Variants in OSBPL5 observed in about 807,000 individuals in gnomAD.
OSBPL5 encodes oxysterol-binding protein-related protein 5.
OSBPL5 carries 71 observed loss-of-function variants against 111.2 expected under a neutral mutation model. That is an observed-to-expected ratio of 0.64 (90% confidence interval 0.53 to 0.78). The LOEUF is 0.78. Ranked by LOEUF, OSBPL5 falls within the 30% of genes least tolerant of loss-of-function variation. OSBPL5 has a pLI of 0.00. For missense variants in OSBPL5, 1,210 were observed against 1,189.3 expected (o/e 1.02, Z -0.26); for synonymous variants, 549 against 513.9 (o/e 1.07, Z -0.93).
intron 1 of OSBPL5, among the ~76,000 whole-genome samples, chr11:3,157,503 G>A (rs1342449616): frequency 6.6e-6 from 1 of 152,210 alleles, no homozygotes; most frequent in African/African-American, 2.4e-5. Context: ...TGCAGGCCTG[G>A]GAAGGGCCTG....
intron 14 of OSBPL5, among the ~76,000 whole-genome samples, chr11:3,095,636 G>A (rs777309356): frequency 6.6e-6 from 1 of 152,282 alleles, no homozygotes; most frequent in Admixed American, 6.5e-5. Context: ...CAAATAATAC[G>A]TGGCAATAAT....
intron 14 of OSBPL5, 41 bp from the exon 15 acceptor site, chr11:3,094,375 C>G: frequency 6.4e-7 from 1 of 1,555,426 alleles, no homozygotes; most frequent in Non-Finnish European, 8.8e-7. Flanking sequence ...GGCCCCAGCC[C>G]TGCTGAGCCC....
rs1451118261 is a variant in OSBPL5, at chr11:3,120,564, G to A, written c.463C>T (p.Leu155Phe). 6.2e-7 allele frequency: 1 copy of A among 1,613,328 alleles called. No individual in the cohort carries two copies. Among genetic ancestry groups the A allele is most frequent in the Non-Finnish European group, 8.5e-7 (1 of 1,180,036 alleles). Residue 155 changes from leucine (L) to phenylalanine (F), a missense_variant, in exon 6 of 22, where the codon CTC becomes TTC. Physicochemically the swap from Leu to Phe is conservative, Grantham distance 22 (BLOSUM62 0). Coordinates refer to ENST00000263650, the MANE Select transcript of OSBPL5 (RefSeq NM_020896.4). The part of the protein sequence containing the change: ...LWCVLKPGVL[L>F]IYKTPKVGQW... ...CCCACCTTGGGCGTCTTGTAGATGA[G>A]CAGCACCCCCGGCTTCAGCACGCAC...
chr11:3,133,989 G>T (rs971340947), intron 1 of OSBPL5, among the ~76,000 whole-genome samples: 21 of 152,164 alleles, frequency 1.4e-4, no homozygotes, highest in Admixed American at 9.2e-4. Context: ...TGGTGGGGGG[G>T]GGGTCACTAG....
intron 14 of OSBPL5, among the ~76,000 whole-genome samples, chr11:3,096,995 A>AAGAGGAAAGGGGGAAGACGGGAGGAGG (rs1857283655): frequency 4.8e-4 from 1 of 2,090 alleles, no homozygotes; most frequent in Non-Finnish European, 9.7e-4. Context: ...GGAGGAGGAG[A>AAGAGGAAAGGGGGAAGACGGGAGGAGG]AGAGGAAAGA....
chr11:3,111,496 C>A (rs1857928393), intron 7 of OSBPL5, among the ~76,000 whole-genome samples: 1 of 152,176 alleles, frequency 6.6e-6, no homozygotes, highest in Non-Finnish European at 1.5e-5. Flanking sequence ...ACCATTAGAG[C>A]ACTCAGTGAT....
At position 3,129,090 on chromosome 11, in the gene OSBPL5, G is replaced by T. The variant is rs149631640; in HGVS notation, c.59C>A (p.Pro20His). Residue 20 changes from proline to histidine, a missense_variant, in exon 2 of 22, where the codon CCT (proline) becomes CAT (histidine). Physicochemically the swap from Pro to His is moderately conservative, Grantham distance 77. Coordinates refer to ENST00000263650, the MANE Select transcript of OSBPL5 (RefSeq NM_020896.4). ...GAGCTTCCGGGGGTCGACTTTCTGA[G>T]GGGTGGAGGAAGGTGGACACAGGGA... ...RFSLCPPSST[P>H]QKVDPRKLTR... 80 of 1,560,558 alleles carry T rather than the reference G, an allele frequency of 5.1e-5. No individual in the cohort carries two copies. In the African/African-American group the frequency reaches 6.0e-4, roughly 12 times the overall value.
At position 3,154,847 on chromosome 11, in the gene OSBPL5, A is replaced by G. The variant is rs994999569; in HGVS notation, c.-22+10369T>C. Reference sequence around the variant, plus strand: ...GAGTTAATGGGTGCGGCACACCAACATGGCACATGTATACATATGTAACAA... The same window carrying G: ...GAGTTAATGGGTGCGGCACACCAACGTGGCACATGTATACATATGTAACAA... On this transcript the variant is annotated intron_variant, in intron 1 of 21. Transcript: ENST00000263650. The surrounding 1 kb of genome is among the most constrained non-coding windows in gnomAD (Gnocchi z 4.9). Among the ~76,000 whole-genome samples, 3 of 152,158 alleles carry G rather than the reference A, an allele frequency of 2.0e-5. No individual in the cohort carries two copies. Among genetic ancestry groups the G allele is most frequent in the Admixed American group, 6.5e-5 (1 of 15,286 alleles).
intron 21 of OSBPL5, 134 bp from the exon 22 acceptor site, chr11:3,088,477 A>AG: frequency 9.5e-7 from 1 of 1,048,916 alleles, no homozygotes; most frequent in Non-Finnish European, 1.3e-6. Flanking sequence ...ATGGCCCTCC[A>AG]GGGGCAACAG....
intron 6 of OSBPL5, 97 bp from the exon 7 acceptor site, chr11:3,119,728 A>AC (rs1858336660): frequency 8.3e-7 from 1 of 1,201,430 alleles, no homozygotes; most frequent in African/African-American, 1.6e-5. Context: ...ACCTGGGACC[A>AC]CCTGGACACC....
At position 3,093,526 on chromosome 11, in the gene OSBPL5, C is replaced by T; in HGVS notation, c.1946+1G>A. 1 of 1,607,926 alleles carries T rather than the reference C, an allele frequency of 6.2e-7. No homozygotes were observed. The highest frequency in any genetic ancestry group is 8.5e-7 in the Non-Finnish European group (1 of 1,179,642). On this transcript the variant is annotated splice_donor_variant, in intron 17 of 21. Transcript: ENST00000263650. LOFTEE classifies it high-confidence loss of function. ...GGTCCCTGGGCGCTGACAGGCCTCA[C>T]CTCTCGGACTCCAGCTCCGTCTGCT...
chr11:3,133,177 A>G (rs1034052176), intron 1 of OSBPL5, among the ~76,000 whole-genome samples: 13 of 152,238 alleles, frequency 8.5e-5, no homozygotes, highest in African/African-American at 3.1e-4. Context: ...TGGCATCTGC[A>G]GGGTGTGAGC....
In OSBPL5 at chr11:3,120,466, G is replaced by A; in HGVS notation, c.561C>T (p.Cys187=). The stretch of plus-strand genomic sequence containing the variant: ...GATCCAGCGGGTGGAAGAGCTTGAA[G>A]CAGAAGCCGTCCTTCTTGGAGGGCC... ...IERPSKKDGF[C]FKLFHPLDQS... is the part of the protein sequence containing the mutation. Residue 187 remains cysteine (C), a synonymous_variant, in exon 6 of 22, where the codon TGC becomes TGT. Transcript: ENST00000263650. 1 of 1,613,340 alleles carries A rather than the reference G, an allele frequency of 6.2e-7. No homozygotes were observed. Among genetic ancestry groups the A allele is most frequent in the Non-Finnish European group, 8.5e-7 (1 of 1,180,040 alleles).
In OSBPL5 at chr11:3,100,041, A is replaced by G. The variant is rs1857399239; in HGVS notation, c.1621+117T>C. On this transcript the variant is annotated intron_variant, in intron 14 of 21. Coordinates refer to ENST00000263650, the MANE Select transcript of OSBPL5 (RefSeq NM_020896.4). Reference sequence around the variant, plus strand: ...CTCAAAAAAAAAAAAAAAAAAAGTCATGGGCAGATGAAGGCGAAGTAAAGA... The same window carrying G: ...CTCAAAAAAAAAAAAAAAAAAAGTCGTGGGCAGATGAAGGCGAAGTAAAGA... The G allele has an allele frequency of 1.1e-5, 8 of 744,516 alleles. No individual in the cohort carries two copies. In the South Asian group the frequency reaches 1.1e-4, roughly 10 times the overall value. The allele number at this position is 744,516 out of a possible 1,614,324, so 46.1% of individuals were successfully genotyped here.
chr11:3,089,279 A>G (rs1027759529), intron 21 of OSBPL5, among the ~76,000 whole-genome samples: 27 of 152,216 alleles, frequency 1.8e-4, no homozygotes, highest in African/African-American at 6.5e-4. Flanking sequence ...GTGACAGCCA[A>G]GGTCCCACAG....
rs1325946660 is a variant in OSBPL5, at chr11:3,122,444, G to C, written c.220-16C>G. 1 of 1,612,238 alleles carries C rather than the reference G, an allele frequency of 6.2e-7. No homozygotes were observed. Among genetic ancestry groups the C allele is most frequent in the African/African-American group, 1.3e-5 (1 of 74,926 alleles). ...TGTACTCTGCCTGAAAGAGAGAGGT[G>C]GGTATGCGGGACAGGGCACAGGGGC... On this transcript the variant is annotated splice_polypyrimidine_tract_variant and intron_variant, in intron 3 of 21. Transcript: ENST00000263650.
At chr11:3,103,742 GCAACCCTCTTCCAGCT>G (rs1315532215) in intron 10 of OSBPL5, among the ~76,000 whole-genome samples, 3 of 52,044 alleles carry the variant, frequency 5.8e-5, no homozygotes, top group East Asian at 1.8e-3. Context: ...TCCTGCCTCT[GCAACCCTCTTCCAGCT>G]CTGCAGCCCC....
rs771801579 is a variant in OSBPL5, at chr11:3,092,510, G to A, written c.2181C>T (p.Asp727=). ...CCTGCTGCAAGGTCCGCAGGATCCCGTCTTGCTCAAACTGGGCGATGTCCT... is the reference window on the plus strand; with the variant it reads ...CCTGCTGCAAGGTCCGCAGGATCCCATCTTGCTCAAACTGGGCGATGTCCT... The part of the protein sequence containing the change: ...PLKDIAQFEQ[D]GILRTLQQEA... The change falls in exon 19 of 22, where the codon GAC becomes GAT. Residue 727 remains aspartate, a synonymous_variant. Transcript: ENST00000263650. The surrounding 1 kb of genome is among the most constrained non-coding windows in gnomAD (Gnocchi z 5.4). 4.0e-5 allele frequency: 63 copies of A among 1,584,246 alleles called. 1 individual carries two copies. In the South Asian group the frequency reaches 5.5e-4, roughly 14 times the overall value.
chr11:3,164,896 G>A (rs1200949571), intron 1 of OSBPL5, among the ~76,000 whole-genome samples: 1 of 152,072 alleles, frequency 6.6e-6, no homozygotes, highest in African/African-American at 2.4e-5. Flanking sequence ...CCACCAAGTG[G>A]GGAGCCGAGC....
Sources: allele counts gnomAD v4.1 joint callset (sites outside exome capture counted in the v4.1 genomes callset), GRCh38; gene constraint gnomAD v4.1.1; non-coding constraint Gnocchi (gnomAD v3.1); transcripts MANE v1.5; gene names NCBI Gene and HGNC (gene_info 2026-07-23, HGNC 2026-07-21).